OCA2: variants seen among roughly 807,000 people sequenced by gnomAD.
The protein encoded by OCA2 is OCA2 melanosomal transmembrane protein, also known as P protein.
A neutral mutation model predicts 100.2 loss-of-function variants in OCA2; 77 were observed. The ratio of observed to expected loss-of-function variants is 0.77; its 90% confidence interval spans 0.64 to 0.93. The LOEUF (loss-of-function observed/expected upper bound fraction) is 0.93, where lower values mean the gene tolerates loss of function less well. OCA2 is among the 40% of genes least tolerant of loss of function. The pLI is 0.00. For synonymous variants in OCA2, 432 were observed against 439.2 expected, an observed-to-expected ratio of 0.98 and a Z score of 0.21; for missense variants, 1,062 against 1,089.1, an observed-to-expected ratio of 0.98 and a Z score of 0.35.
chr15:27,989,757 C>A, intron 10 of OCA2, 91 bp from the exon 11 acceptor site: 1 of 1,165,178 alleles, frequency 8.6e-7, no homozygotes, highest in African/African-American at 1.5e-5. Flanking sequence ...TGCAGACCCA[C>A]TCAGTGGGCG....
the OCA2 span, among the ~76,000 whole-genome samples, chr15:27,729,149 A>G: frequency 6.6e-6 from 1 of 151,952 alleles, no homozygotes; most frequent in Non-Finnish European, 1.5e-5. Context: ...CTGCATCCTC[A>G]CCAGCAGTGT....
chr15:27,727,823 A>T, the OCA2 span, among the ~76,000 whole-genome samples: 2 of 152,098 alleles, frequency 1.3e-5, no homozygotes, highest in African/African-American at 4.8e-5. Flanking sequence ...GAACCGGATG[A>T]CACCAATGAG....
intron 4 of OCA2, among the ~76,000 whole-genome samples, chr15:28,026,428 C>G (rs529154962): frequency 6.6e-6 from 1 of 152,332 alleles, no homozygotes; most frequent in African/African-American, 2.4e-5. Context: ...CACAATTTCA[C>G]CCAACTCACA....
rs750685643 is a variant in OCA2, at chr15:27,926,299, C to T, written c.1952-45G>A. 6.2e-6 allele frequency: 10 copies of T among 1,607,562 alleles called. No individual in the cohort carries two copies. The Admixed American group carries it at 1.2e-4, about 19-fold the overall frequency. On this transcript the variant is annotated intron_variant, in intron 18 of 23. Coordinates refer to ENST00000354638, the MANE Select transcript of OCA2 (RefSeq NM_000275.3). ...CATAGAGATATAGTTCCACTGTTAA[C>T]ACACCGATTCATTTCTTTAACCTCT...
chr15:28,070,262 G>A (rs2044194502), intron 2 of OCA2, among the ~76,000 whole-genome samples: 1 of 141,712 alleles, frequency 7.1e-6, no homozygotes, highest in Non-Finnish European at 1.5e-5. Context: ...CCCCATCTGG[G>A]AAGTGAGGAG....
At chr15:27,858,176 C>A (rs2036008240) in intron 21 of OCA2, among the ~76,000 whole-genome samples, 1 of 152,088 alleles carries the variant, frequency 6.6e-6, no homozygotes, top group African/African-American at 2.4e-5. Flanking sequence ...GAGTTCAAGA[C>A]CAGCCTGGCC....
At chr15:28,009,218 C>T (rs1039318241) in intron 9 of OCA2, among the ~76,000 whole-genome samples, 1 of 152,192 alleles carries the variant, frequency 6.6e-6, no homozygotes, top group African/African-American at 2.4e-5. Flanking sequence ...CCTTCCACAT[C>T]AAGTTACAGA....
intron 23 of OCA2, among the ~76,000 whole-genome samples, chr15:27,796,879 A>T (rs1271157202): frequency 6.6e-6 from 1 of 151,990 alleles, no homozygotes; most frequent in African/African-American, 2.4e-5. Context: ...TGTCCCTCCA[A>T]TCACAAGCCC....
chr15:28,093,181 G>A (rs951218145), intron 1 of OCA2, among the ~76,000 whole-genome samples: 4 of 152,102 alleles, frequency 2.6e-5, no homozygotes, highest in African/African-American at 9.7e-5. Context: ...GCTCACACCT[G>A]GAAGCCGAGG....
intron 9 of OCA2, among the ~76,000 whole-genome samples, chr15:28,005,765 C>G (rs865811607): frequency 1.4e-4 from 22 of 152,122 alleles, no homozygotes; most frequent in African/African-American, 5.3e-4. Flanking sequence ...CGTGTGAGGT[C>G]CCATATGCAA....
rs541297467 is a variant in OCA2 at position 28,081,582 on chromosome 15, C to G, written c.227+66G>C. ...TTTTCCCACAACAAACGTGGGGGAA[C>G]GATGCTCATGGAAACCCAATCTGTG... On this transcript the variant is annotated intron_variant, in intron 2 of 23. Transcript: ENST00000354638. 1.9e-5 allele frequency: 28 copies of G among 1,484,382 alleles called. No homozygotes were observed. In the South Asian group the frequency reaches 3.2e-4, roughly 17 times the overall value. 92.0% of individuals were successfully genotyped at this position (1,484,382 alleles called of 1,614,324 possible).
intron 3 of OCA2, among the ~76,000 whole-genome samples, chr15:28,029,217 A>C (rs2042842675): frequency 6.6e-6 from 1 of 152,228 alleles, no homozygotes; most frequent in African/African-American, 2.4e-5. Flanking sequence ...GTGGTTCACA[A>C]GGAAAAAATG....
At chr15:27,893,892 T>C (rs1300506814) in intron 19 of OCA2, among the ~76,000 whole-genome samples, 1 of 152,208 alleles carries the variant, frequency 6.6e-6, no homozygotes, top group African/African-American at 2.4e-5. Flanking sequence ...TTTGTTCTGT[T>C]CCCTCAGAAG....
At chr15:27,896,112 G>A in intron 19 of OCA2, 1 of 1,100,258 alleles carries the variant, frequency 9.1e-7, no homozygotes, top group Admixed American at 1.7e-5. Context: ...TCAGCCAAGT[G>A]CCTTTACCTG....
intron 23 of OCA2, among the ~76,000 whole-genome samples, chr15:27,772,385 T>C (rs2031933009): frequency 6.6e-6 from 1 of 152,236 alleles, no homozygotes; most frequent in African/African-American, 2.4e-5. Context: ...CCCTCTCATT[T>C]TTATTTTGCA....
chr15:27,729,025 C>T, the OCA2 span, among the ~76,000 whole-genome samples: 4 of 152,168 alleles, frequency 2.6e-5, no homozygotes, highest in South Asian at 2.1e-4. Flanking sequence ...GCACTTTCAA[C>T]GCTTGGCTTG....
chr15:28,055,680 A>T (rs1465890437), intron 2 of OCA2, among the ~76,000 whole-genome samples: 1 of 152,156 alleles, frequency 6.6e-6, no homozygotes, highest in Non-Finnish European at 1.5e-5. Flanking sequence ...GTGAGTGGGT[A>T]TGGCCAGCGG....
rs538738988 is a variant in OCA2, at chr15:28,045,012, G to A, written c.228-12849C>T. On this transcript the variant is annotated intron_variant, in intron 2 of 23. Transcript: ENST00000354638. ...ATATGACAATGTCTACCTTTTAATC[G>A]AGATAATAAGTCCATTCACATATAA... Among the ~76,000 whole-genome samples the A allele has an allele frequency of 6.2e-4, 94 of 151,806 alleles. 1 individual carries two copies. Among genetic ancestry groups the A allele is most frequent in the African/African-American group, 2.1e-3 (88 of 41,370 alleles).
the OCA2 span, among the ~76,000 whole-genome samples, chr15:27,722,757 C>T: frequency 9.0e-5 from 12 of 133,332 alleles, no homozygotes; most frequent in South Asian, 2.5e-4. Flanking sequence ...TTCTTCTTTC[C>T]TTCCTTTCTT....
Sources: allele counts gnomAD v4.1 joint callset (sites outside exome capture counted in the v4.1 genomes callset), GRCh38; gene constraint gnomAD v4.1.1; transcripts MANE v1.5; gene names NCBI Gene and HGNC (gene_info 2026-07-23, HGNC 2026-07-21).